The following MIPOL1 variants were observed in gnomAD, a reference collection of about 807,000 sequenced individuals.
MIPOL1 encodes mirror-image polydactyly gene 1 protein.
MIPOL1 carries 57 observed loss-of-function variants against 60.9 expected under a neutral mutation model. The observed-to-expected ratio is 0.94, with a 90% CI of 0.76 to 1.17. The LOEUF (loss-of-function observed/expected upper bound fraction) is 1.17, where lower values mean the gene tolerates loss of function less well. Ranked by LOEUF, MIPOL1 falls within the 50% of genes most tolerant of loss-of-function variation. MIPOL1 has a pLI of 0.00. For synonymous variants in MIPOL1, 179 were observed against 168.8 expected (o/e 1.06, Z -0.47); for missense variants, 551 against 511.6 (o/e 1.08, Z -0.74).
At chr14:37,449,944 C>T (rs1389651547) in intron 11 of MIPOL1, among the ~76,000 whole-genome samples, 1 of 152,038 alleles carries the variant, frequency 6.6e-6, no homozygotes, top group Non-Finnish European at 1.5e-5. Context: ...TTTCGAGTAG[C>T]TGAGACTACA....
intron 9 of MIPOL1, among the ~76,000 whole-genome samples, chr14:37,349,216 G>A (rs923459869): frequency 9.9e-5 from 15 of 151,926 alleles, no homozygotes; most frequent in Non-Finnish European, 1.5e-4. Context: ...TCGTACTCCT[G>A]ACCTCAGGTG....
At chr14:37,358,575 C>T (rs557612412) in intron 9 of MIPOL1, among the ~76,000 whole-genome samples, 1 of 152,308 alleles carries the variant, frequency 6.6e-6, no homozygotes, top group East Asian at 1.9e-4. Flanking sequence ...ATTTGCATTT[C>T]TCTGATGACC....
intron 7 of MIPOL1, among the ~76,000 whole-genome samples, chr14:37,295,188 C>A (rs886076686): frequency 6.6e-6 from 1 of 152,184 alleles, no homozygotes; most frequent in Non-Finnish European, 1.5e-5. Flanking sequence ...CCCAGAATTT[C>A]ATATCCAGCC....
chr14:37,355,791 T>A (rs1398271489), intron 9 of MIPOL1, among the ~76,000 whole-genome samples: 1 of 150,854 alleles, frequency 6.6e-6, no homozygotes, highest in Non-Finnish European at 1.5e-5. Flanking sequence ...TATTGGGTAT[T>A]CTAGTTATAC....
At chr14:37,309,430 A>G (rs1215625259) in intron 9 of MIPOL1, among the ~76,000 whole-genome samples, 1 of 152,034 alleles carries the variant, frequency 6.6e-6, no homozygotes, top group African/African-American at 2.4e-5. Flanking sequence ...GCCTATTCCA[A>G]TGTCTCTTTC....
intron 9 of MIPOL1, among the ~76,000 whole-genome samples, chr14:37,338,054 G>A (rs1470881393): frequency 1.3e-5 from 2 of 151,166 alleles, no homozygotes; most frequent in East Asian, 3.9e-4. Flanking sequence ...TTTACAAAAG[G>A]CATCCAACTT....
chr14:37,246,722 A>T (rs2040346233), intron 1 of MIPOL1, among the ~76,000 whole-genome samples: 1 of 152,148 alleles, frequency 6.6e-6, no homozygotes, highest in Non-Finnish European at 1.5e-5. Flanking sequence ...TCCAACTAGG[A>T]TCTGATATGG....
chr14:37,269,443 A>G (rs912521228), intron 5 of MIPOL1, among the ~76,000 whole-genome samples: 1 of 151,962 alleles, frequency 6.6e-6, no homozygotes, highest in African/African-American at 2.4e-5. Flanking sequence ...GTGTAACCTA[A>G]TCAAACTGAA....
intron 9 of MIPOL1, among the ~76,000 whole-genome samples, chr14:37,344,895 C>T (rs2090833546): frequency 6.6e-6 from 1 of 151,384 alleles, no homozygotes; most frequent in Admixed American, 6.6e-5. Context: ...CCGGGCATGG[C>T]GGTGTGCTCC....
chr14:37,524,522 T>C (rs762938534), intron 12 of MIPOL1, among the ~76,000 whole-genome samples: 1 of 151,658 alleles, frequency 6.6e-6, no homozygotes, highest in Non-Finnish European at 1.5e-5. Context: ...GTATATAAAA[T>C]ATCCAGGTGG....
chr14:37,338,256 G>A lies in MIPOL1; in HGVS notation c.828+29737G>A, dbSNP rs2090326710. On this transcript the variant is annotated intron_variant, in intron 9 of 12. Coordinates refer to ENST00000684589, the MANE Select transcript of MIPOL1 (RefSeq NM_001388067.1). Reference sequence around the variant, plus strand: ...TGAGTAGCTGGGACTACAGGCACCTGCCACCATGCCCGGCTAGTTTTCTGT... The same window carrying A: ...TGAGTAGCTGGGACTACAGGCACCTACCACCATGCCCGGCTAGTTTTCTGT... Among the ~76,000 whole-genome samples the A allele has an allele frequency of 4.0e-5, 6 of 151,784 alleles. No individual in the cohort carries two copies. In the South Asian group the frequency reaches 1.2e-3, roughly 32 times the overall value.
At chr14:37,507,889 A>G (rs866737852) in intron 12 of MIPOL1, 1 of 152,140 alleles carries the variant, frequency 6.6e-6, no homozygotes, top group African/African-American at 2.4e-5. Context: ...AAGCACAACT[A>G]TGTCATTAAA....
chr14:37,266,756 G>C (rs2082904932), intron 3 of MIPOL1, among the ~76,000 whole-genome samples, 182 bp from the exon 4 acceptor site: 1 of 152,102 alleles, frequency 6.6e-6, no homozygotes, highest in Non-Finnish European at 1.5e-5. Flanking sequence ...TGGCCTATTT[G>C]AGACCAAATT....
rs549085176 is a variant in MIPOL1, at chr14:37,520,903, T to C, written c.1262+20765T>C. 3.3e-5 allele frequency among the ~76,000 whole-genome samples: 5 copies of C among 149,998 alleles called. No homozygotes were observed. In the East Asian group the frequency reaches 7.8e-4, roughly 24 times the overall value. On this transcript the variant is annotated intron_variant, in intron 12 of 12. Transcript: ENST00000684589. ...CATTAAATAACTGCTTGTGAGATGA[T>C]ATTTGGAATTCTTAACATTTTACTT...
chr14:37,266,600 T>C (rs2082890560), intron 3 of MIPOL1, among the ~76,000 whole-genome samples: 1 of 152,130 alleles, frequency 6.6e-6, no homozygotes, highest in Admixed American at 6.6e-5. Context: ...TAAAAAACTC[T>C]TAGGCCCCAC....
chr14:37,342,818 TC>T (rs1168908316), intron 9 of MIPOL1, among the ~76,000 whole-genome samples: 4 of 152,112 alleles, frequency 2.6e-5, no homozygotes, highest in African/African-American at 9.7e-5. Flanking sequence ...CATCTTGGTA[TC>T]TTTAATAATT....
intron 10 of MIPOL1, among the ~76,000 whole-genome samples, chr14:37,414,512 C>T (rs1595672960): frequency 6.6e-6 from 1 of 152,256 alleles, no homozygotes; most frequent in East Asian, 1.9e-4. Flanking sequence ...TGTCTTTTCT[C>T]TCATTACTTC....
At chr14:37,515,750 G>A (rs948564726) in intron 12 of MIPOL1, among the ~76,000 whole-genome samples, 1 of 132,628 alleles carries the variant, frequency 7.5e-6, no homozygotes, top group African/African-American at 2.4e-5. Context: ...AGAATGATGG[G>A]AGTAGCACAG....
At chr14:37,403,269 T>G (rs1172396879) in intron 10 of MIPOL1, among the ~76,000 whole-genome samples, 3 of 152,122 alleles carry the variant, frequency 2.0e-5, no homozygotes, top group African/African-American at 7.2e-5. Context: ...TTACAGAATC[T>G]TAAATATTAC....
Sources: gnomAD v4.1 joint callset for allele counts (sites outside exome capture counted in the v4.1 genomes callset) on GRCh38, gnomAD v4.1.1 for gene constraint, MANE v1.5 for transcripts, NCBI Gene and HGNC (gene_info 2026-07-23, HGNC 2026-07-21) for gene names.